TACC2: variants seen among roughly 807,000 people sequenced by gnomAD.
TACC2 encodes transforming acidic coiled-coil containing protein 2, also known as transforming acidic coiled-coil-containing protein 2.
Under a neutral mutation model 227.3 loss-of-function variants are expected in TACC2, and 137 were observed. That is an observed-to-expected ratio of 0.60 (90% CI 0.52 to 0.69). The LOEUF is 0.69. Ranked by LOEUF, TACC2 falls within the 30% of genes least tolerant of loss-of-function variation. The pLI, the probability that TACC2 is intolerant of heterozygous loss-of-function variation, is 0.00. For missense variants in TACC2, 3,470 were observed against 3,694.4 expected (o/e 0.94, Z 1.57); for synonymous variants, 1,523 against 1,487.5 (o/e 1.02, Z -0.55).
intron 2 of TACC2, among the ~76,000 whole-genome samples, chr10:122,028,811 C>G (rs1366723347): frequency 2.5e-4 from 16 of 64,134 alleles, no homozygotes; most frequent in African/African-American, 1.1e-3. Context: ...CTCTCCCCTC[C>G]CCTTCTGTTC....
At position 122,085,207 on chromosome 10, in the gene TACC2, A is replaced by G. The variant is rs1179579358; in HGVS notation, c.2707A>G (p.Ser903Gly). 6.2e-7 allele frequency: 1 copy of G among 1,614,086 alleles called. No homozygotes were observed. The highest frequency in any genetic ancestry group is 8.5e-7 in the Non-Finnish European group (1 of 1,180,018). ...GCAGGCTTTGGGATCAGAACTTCAA[A>G]GTCAGCTCCCCAAAGGCACCCTGTC... ...QEQALGSELQ[S>G]QLPKGTLSDT... Residue 903 changes from serine (S) to glycine (G), a missense_variant, in exon 4 of 23, where the codon AGT (serine) becomes GGT (glycine). This residue lies in a region of TACC2 where 1,924 missense variants were observed against 1,978.3 expected (regional missense o/e 0.97). Coordinates refer to ENST00000369005, the MANE Select transcript of TACC2 (RefSeq NM_206862.4).
At chr10:122,227,605 A>C (rs1391448800) in intron 13 of TACC2, among the ~76,000 whole-genome samples, 2 of 152,172 alleles carry the variant, frequency 1.3e-5, no homozygotes, top group Non-Finnish European at 2.9e-5. Context: ...GGTCTGCTGA[A>C]CTGCAGAGCT....
At chr10:122,174,837 T>A (rs1022363533) in intron 7 of TACC2, among the ~76,000 whole-genome samples, 10 of 152,328 alleles carry the variant, frequency 6.6e-5, no homozygotes, top group African/African-American at 2.2e-4. Context: ...TGAAGTTTTG[T>A]GCCTTTGACC....
chr10:122,079,727 A>G (rs186803327), intron 3 of TACC2, among the ~76,000 whole-genome samples: 137 of 152,320 alleles, frequency 9.0e-4, no homozygotes, highest in Non-Finnish European at 1.8e-4. Context: ...CAGAGTGAAT[A>G]AGAAGATTGT....
chr10:122,166,679 G>C (rs1391529050), intron 7 of TACC2, among the ~76,000 whole-genome samples: 1 of 152,320 alleles, frequency 6.6e-6, no homozygotes, highest in African/African-American at 2.4e-5. Context: ...ATGCCCAGGT[G>C]ATTTGTAGGC....
chr10:122,099,304 G>A (rs988335755), intron 5 of TACC2, among the ~76,000 whole-genome samples: 1 of 152,188 alleles, frequency 6.6e-6, no homozygotes, highest in African/African-American at 2.4e-5. Context: ...TGTGAGTGCC[G>A]AGCCTGGGCT....
chr10:122,210,568 C>A lies in TACC2; in HGVS notation c.6143C>A (p.Thr2048Asn). ...TTTGACAACATTGAGCTTGTGGATA[C>A]CTTTCAGACCTTGGAGCCTCGTGCC... Reference protein sequence around the residue: ...LDFDNIELVDTFQTLEPRASD... With the variant: ...LDFDNIELVDNFQTLEPRASD... The change falls in exon 9 of 23, where the codon ACC becomes AAC. Residue 2048 changes from threonine to asparagine, a missense_variant. Thr to Asn is a moderately conservative substitution (Grantham distance 65). This residue lies in a region of TACC2 where 593 missense variants were observed against 636.6 expected (regional missense o/e 0.93). Transcript: ENST00000369005. This position sits in a 1 kb window ranked among gnomAD's most constrained non-coding sequence, Gnocchi z 4.6. 1.9e-6 allele frequency: 3 copies of A among 1,614,084 alleles called. No homozygotes were observed. Among genetic ancestry groups the A allele is most frequent in the Non-Finnish European group, 2.5e-6 (3 of 1,180,014 alleles).
chr10:122,218,911 G>A (rs4752671), intron 11 of TACC2, among the ~76,000 whole-genome samples: 75,778 of 151,254 alleles, frequency 0.5, 20,100 homozygotes, highest in East Asian at 0.87. Context: ...GGTCCCAGCT[G>A]CTCAGGAAGC....
chr10:122,068,224 C>T (rs1475837875), intron 3 of TACC2, among the ~76,000 whole-genome samples: 1 of 152,154 alleles, frequency 6.6e-6, no homozygotes, highest in Non-Finnish European at 1.5e-5. Flanking sequence ...GGTCTTCCCT[C>T]TAGCCTCCTG....
chr10:122,018,652 G>T (rs1956980294), intron 1 of TACC2, among the ~76,000 whole-genome samples: 1 of 152,134 alleles, frequency 6.6e-6, no homozygotes, highest in Admixed American at 6.5e-5. Context: ...ATGACCTTTT[G>T]TGCCTGGCTT....
chr10:122,008,265 T>TTATTATTATTATTA (rs1342584652), intron 1 of TACC2, among the ~76,000 whole-genome samples: 70 of 9,748 alleles, frequency 7.2e-3, no homozygotes, highest in Middle Eastern at 0.083. Flanking sequence ...ATTATTATTA[T>TTATTATTATTATTA]TTTTTTTTTT....
Position 122,087,632 on chromosome 10 carries a change from T to C in TACC2, c.5132T>C (p.Leu1711Pro). 6.2e-7 allele frequency: 1 copy of C among 1,613,456 alleles called. No individual in the cohort carries two copies. Among genetic ancestry groups the C allele is most frequent in the African/African-American group, 1.3e-5 (1 of 75,070 alleles). ...AAGEAEGDIT[L>P]STAETQACAS... Reference sequence around the variant, plus strand: ...GGGGAAGCAGAGGGTGACATCACCCTGAGCACAGCTGAGACACAGGCATGT... The same window carrying C: ...GGGGAAGCAGAGGGTGACATCACCCCGAGCACAGCTGAGACACAGGCATGT... The change falls in exon 4 of 23, where the codon CTG becomes CCG. Residue 1711 changes from leucine to proline, a missense_variant. Coordinates refer to ENST00000369005, the MANE Select transcript of TACC2 (RefSeq NM_206862.4).
At chr10:122,113,504 G>C (rs2084030114) in intron 5 of TACC2, among the ~76,000 whole-genome samples, 1 of 152,212 alleles carries the variant, frequency 6.6e-6, no homozygotes, top group Non-Finnish European at 1.5e-5. Context: ...CCGTGGTTCG[G>C]GGCGCGCGCC....
intron 8 of TACC2, among the ~76,000 whole-genome samples, chr10:122,196,933 C>CAAAAA (rs58473562): frequency 1.3e-5 from 1 of 78,236 alleles, no homozygotes; most frequent in Non-Finnish European, 2.4e-5. Context: ...GAGTCCGTCT[C>CAAAAA]AAAAAAAAAA....
chr10:122,096,197 G>T (rs1203333551), intron 5 of TACC2, among the ~76,000 whole-genome samples: 2 of 152,154 alleles, frequency 1.3e-5, no homozygotes, highest in Non-Finnish European at 2.9e-5. Context: ...GGATCAGCAG[G>T]AGGTGTCTTT....
rs983888493 is a variant in TACC2, at chr10:122,209,016, A to G, written c.5972-1381A>G. ...CAAAGCTGGGGCTGGCCGGATCCCC[A>G]TGGGCAGTAGGGTGGTGGCACCTTT... On this transcript the variant is annotated intron_variant, in intron 8 of 22. Coordinates refer to ENST00000369005, the MANE Select transcript of TACC2 (RefSeq NM_206862.4). The surrounding 1 kb of genome is among the most constrained non-coding windows in gnomAD (Gnocchi z 4.5). Among the ~76,000 whole-genome samples, 1 of 152,220 alleles carries G rather than the reference A, an allele frequency of 6.6e-6. No homozygotes were observed. The highest frequency in any genetic ancestry group is 1.5e-5 in the Non-Finnish European group (1 of 68,042).
chr10:122,115,348 A>C (rs939040616), intron 5 of TACC2, among the ~76,000 whole-genome samples: 8 of 151,862 alleles, frequency 5.3e-5, no homozygotes, highest in African/African-American at 1.9e-4. Flanking sequence ...CATATGGGGC[A>C]GGCTTTGTGG....
At chr10:122,079,350 G>A (rs1020554068) in intron 3 of TACC2, among the ~76,000 whole-genome samples, 2 of 152,152 alleles carry the variant, frequency 1.3e-5, no homozygotes, top group Non-Finnish European at 2.9e-5. Context: ...CAGCCCACTC[G>A]GGCCAGGGCT....
In TACC2 at chr10:122,086,453, C is replaced by T. The variant is rs990151098; in HGVS notation, c.3953C>T (p.Thr1318Ile). ...QASSGSPKAR[T>I]TEGPVDSMPC... ...AGCAGTGGTAGTCCCAAAGCCAGAACCACTGAGGGACCAGTGGACTCCATG... is the reference window on the plus strand; with the variant it reads ...AGCAGTGGTAGTCCCAAAGCCAGAATCACTGAGGGACCAGTGGACTCCATG... The change falls in exon 4 of 23, where the codon ACC becomes ATC. Residue 1318 changes from threonine to isoleucine, a missense_variant. Around this residue, in one of 10 missense-constraint regions of TACC2, gnomAD observed 1,924 missense variants for 1,978.3 expected, o/e 0.97. Coordinates refer to ENST00000369005, the MANE Select transcript of TACC2 (RefSeq NM_206862.4). The T allele has an allele frequency of 1.9e-6, 3 of 1,613,790 alleles. No individual in the cohort carries two copies. The highest frequency in any genetic ancestry group is 2.5e-6 in the Non-Finnish European group (3 of 1,180,048).
Sources: gnomAD v4.1 joint callset for allele counts (sites outside exome capture counted in the v4.1 genomes callset) on GRCh38, gnomAD v4.1.1 for gene constraint, gnomAD v4.1.1 regional missense constraint, Gnocchi (gnomAD v3.1) non-coding constraint, MANE v1.5 for transcripts, NCBI Gene and HGNC (gene_info 2026-07-23, HGNC 2026-07-21) for gene names.